LIMK2: variants seen among roughly 807,000 people sequenced by gnomAD.
The protein encoded by LIMK2 is LIM domain kinase 2.
LIMK2 carries 35 observed loss-of-function variants against 75.7 expected under a neutral mutation model. The observed-to-expected ratio is 0.46, with a 90% CI of 0.35 to 0.61. The LOEUF is 0.61. LIMK2 is among the 20% of genes least tolerant of loss of function. The probability of loss-of-function intolerance (pLI) is 0.00; values close to 1 mark genes in which losing one functional copy is unlikely to be tolerated. For synonymous variants in LIMK2, 301 were observed against 319.2 expected (o/e 0.94, Z 0.61); for missense variants, 623 against 831.0 (o/e 0.75, Z 3.08).
chr22:31,232,042 G>A (rs2123785348), intron 2 of LIMK2, among the ~76,000 whole-genome samples: 1 of 151,600 alleles, frequency 6.6e-6, no homozygotes, highest in East Asian at 1.9e-4. Flanking sequence ...GGCTGGTCTT[G>A]AACTCCAGCG....
At chr22:31,277,249 C>G in intron 15 of LIMK2, 2 of 1,553,124 alleles carry the variant, frequency 1.3e-6, no homozygotes, top group Non-Finnish European at 1.7e-6. Context: ...GTTCCATGAG[C>G]AGGGCTCCTC....
chr22:31,230,384 G>A (rs1204681551), intron 2 of LIMK2, among the ~76,000 whole-genome samples: 2 of 152,148 alleles, frequency 1.3e-5, no homozygotes, highest in Admixed American at 1.3e-4. Flanking sequence ...TGGCATGTTA[G>A]CAAGCCAGAG....
At chr22:31,249,629 C>G (rs11913377) in intron 2 of LIMK2, among the ~76,000 whole-genome samples, 1,935 of 152,250 alleles carry the variant, frequency 0.013, 37 homozygotes, top group African/African-American at 0.043. Context: ...TTGGGAGCAG[C>G]CTGTTGTTCC....
intron 2 of LIMK2, among the ~76,000 whole-genome samples, chr22:31,226,291 C>T (rs1426559674): frequency 6.6e-6 from 1 of 151,690 alleles, no homozygotes; most frequent in East Asian, 1.9e-4. Context: ...CAATCTCTGC[C>T]TGCTGGGTTC....
intron 1 of LIMK2, among the ~76,000 whole-genome samples, chr22:31,220,067 A>G (rs1264164470): frequency 6.6e-6 from 1 of 152,206 alleles, no homozygotes; most frequent in African/African-American, 2.4e-5. Flanking sequence ...GCATTACAGT[A>G]TTACATTTCT....
chr22:31,233,770 T>A (rs577085936), intron 2 of LIMK2, among the ~76,000 whole-genome samples: 24 of 152,312 alleles, frequency 1.6e-4, no homozygotes, highest in African/African-American at 5.5e-4. Flanking sequence ...ATCCACCCAG[T>A]GCCTAAGCCA....
At chr22:31,276,997 C>T (rs2049034349) in intron 15 of LIMK2, 1 of 1,613,934 alleles carries the variant, frequency 6.2e-7, no homozygotes, top group Non-Finnish European at 8.5e-7. Flanking sequence ...GGATGAGCTC[C>T]TGGACATGGA....
At position 31,259,109 on chromosome 22, in the gene LIMK2, A is replaced by G. The variant is rs570813848; in HGVS notation, c.253-12A>G. On this transcript the variant is annotated splice_polypyrimidine_tract_variant and intron_variant, in intron 3 of 15. Coordinates refer to ENST00000331728, the MANE Select transcript of LIMK2 (RefSeq NM_005569.4). ...CCTCCCTTTGTACACCCTTCTCCCCACCTGCTCACAGGTGGCTGGGGAGTT... is the reference window on the plus strand; with the variant it reads ...CCTCCCTTTGTACACCCTTCTCCCCGCCTGCTCACAGGTGGCTGGGGAGTT... 2.7e-5 allele frequency: 41 copies of G among 1,534,686 alleles called. No homozygotes were observed. In the South Asian group the frequency reaches 4.4e-4, roughly 16 times the overall value.
chr22:31,246,753 T>C (rs1352695794), intron 2 of LIMK2, among the ~76,000 whole-genome samples: 3 of 100,886 alleles, frequency 3.0e-5, no homozygotes, highest in Non-Finnish European at 5.7e-5. Flanking sequence ...AGAGAGACCC[T>C]GACTCAAAAA....
At chr22:31,214,884 C>T (rs2048377722) in intron 1 of LIMK2, among the ~76,000 whole-genome samples, 1 of 152,166 alleles carries the variant, frequency 6.6e-6, no homozygotes, top group Non-Finnish European at 1.5e-5. Flanking sequence ...TACCCTCCAC[C>T]TCCCAGGTTC....
chr22:31,245,024 A>G (rs1341252409), intron 2 of LIMK2, among the ~76,000 whole-genome samples: 1 of 152,242 alleles, frequency 6.6e-6, no homozygotes, highest in Non-Finnish European at 1.5e-5. Context: ...ACTGTGGAAT[A>G]GTGGGGGTTA....
chr22:31,241,019 G>C (rs2048619957), intron 2 of LIMK2, among the ~76,000 whole-genome samples: 1 of 152,166 alleles, frequency 6.6e-6, no homozygotes. Context: ...AAATCAAGTG[G>C]AAAAGCACTT....
chr22:31,267,395 G>T (rs894178528), intron 9 of LIMK2, among the ~76,000 whole-genome samples: 4 of 152,130 alleles, frequency 2.6e-5, no homozygotes, highest in Non-Finnish European at 4.4e-5. Flanking sequence ...TCACCTGAAC[G>T]CCCTGCTAAG....
Position 31,220,657 on chromosome 22 carries a change from G to C in LIMK2, c.17-5063G>C, listed in dbSNP as rs1601397846. On this transcript the variant is annotated intron_variant, in intron 1 of 15. Transcript: ENST00000331728. The stretch of plus-strand genomic sequence containing the variant: ...CTGCCTGATTTTAGGGAACTTTAAA[G>C]AAAGGATAGAAATTTGATTAAGGGG... Among the ~76,000 whole-genome samples the C allele has an allele frequency of 5.3e-5, 8 of 152,298 alleles. 1 individual carries two copies. In the South Asian group the frequency reaches 1.7e-3, roughly 32 times the overall value.
intron 1 of LIMK2, among the ~76,000 whole-genome samples, chr22:31,217,398 GAAAA>G (rs371346839): frequency 7.4e-6 from 1 of 134,678 alleles, no homozygotes; most frequent in South Asian, 2.3e-4. Flanking sequence ...CTCCGTCTCA[GAAAA>G]AAAAAAAAAG....
chr22:31,213,289 G>A (rs1264391733), intron 1 of LIMK2, among the ~76,000 whole-genome samples: 1 of 152,166 alleles, frequency 6.6e-6, no homozygotes, highest in East Asian at 1.9e-4. Flanking sequence ...GCAGCTTCCT[G>A]CCTTCCCCAT....
chr22:31,275,606 T>C (rs555382168), intron 15 of LIMK2: 2 of 315,248 alleles, frequency 6.3e-6, no homozygotes, highest in African/African-American at 4.3e-5. Context: ...TCTTTCGATA[T>C]TCCCCTGTCC....
At chr22:31,222,299 G>C (rs918277059) in intron 1 of LIMK2, among the ~76,000 whole-genome samples, 15 of 149,270 alleles carry the variant, frequency 1.0e-4, no homozygotes, top group Non-Finnish European at 1.6e-4. Context: ...TCAAATTCCC[G>C]ACCTCAGGTG....
chr22:31,272,650 A>G lies in LIMK2; in HGVS notation c.1504A>G (p.Lys502Glu), dbSNP rs755005373. The change falls in exon 13 of 16, where the codon AAG (lysine) becomes GAG (glutamate). Residue 502 changes from lysine (K) to glutamate (E), a missense_variant. Around this residue, in one of 3 missense-constraint regions of LIMK2, gnomAD observed 514 missense variants for 661.3 expected, o/e 0.78. Transcript: ENST00000331728. Reference sequence around the variant, plus strand: ...CACCTTGCGCAAGAACGACCGCAAGAAGCGCTACACGGTGGTGGGAAACCC... The same window carrying G: ...CACCTTGCGCAAGAACGACCGCAAGGAGCGCTACACGGTGGTGGGAAACCC... ...KRTLRKNDRK[K>E]RYTVVGNPYW... 1 of 1,613,848 alleles carries G rather than the reference A, an allele frequency of 6.2e-7. No individual in the cohort carries two copies. Among genetic ancestry groups the G allele is most frequent in the Admixed American group, 1.7e-5 (1 of 59,984 alleles).
Sources: allele counts gnomAD v4.1 joint callset (sites outside exome capture counted in the v4.1 genomes callset), GRCh38; gene constraint gnomAD v4.1.1; regional missense constraint gnomAD v4.1.1; transcripts MANE v1.5; gene names NCBI Gene and HGNC (gene_info 2026-07-23, HGNC 2026-07-21).